ZFAT: variants seen among roughly 807,000 people sequenced by gnomAD.
ZFAT encodes zinc finger protein ZFAT.
Under a neutral mutation model 117.7 loss-of-function variants are expected in ZFAT, and 64 were observed. That is an observed-to-expected ratio of 0.54 (90% CI 0.44 to 0.67). The LOEUF (loss-of-function observed/expected upper bound fraction) is 0.67, where lower values mean the gene tolerates loss of function less well. Among genes scored for constraint, ZFAT ranks in the 30% least tolerant of loss-of-function variants. ZFAT has a pLI of 0.00. For synonymous variants in ZFAT, 679 were observed against 615.0 expected, an observed-to-expected ratio of 1.10 and a Z score of -1.54; for missense variants, 1,433 against 1,584.5, an observed-to-expected ratio of 0.90 and a Z score of 1.62.
chr8:134,743,246 CG>C, the ZFAT span, among the ~76,000 whole-genome samples: 2 of 152,124 alleles, frequency 1.3e-5, no homozygotes, highest in African/African-American at 4.8e-5. Flanking sequence ...CTCAACACTT[CG>C]GGAGGCAGAG....
intron 9 of ZFAT, among the ~76,000 whole-genome samples, chr8:134,587,186 A>T (rs1457095936): frequency 6.6e-6 from 1 of 152,120 alleles, no homozygotes; most frequent in African/African-American, 2.4e-5. Flanking sequence ...TGAACATTTG[A>T]CACAAAGCAC....
chr8:134,731,984 GATCATAC>G, the ZFAT span, among the ~76,000 whole-genome samples: 1 of 152,156 alleles, frequency 6.6e-6, no homozygotes, highest in Admixed American at 6.5e-5. Flanking sequence ...ACTTAGCCAG[GATCATAC>G]ATCTTATCTG....
At chr8:134,606,046 A>C (rs973704768) in intron 5 of ZFAT, among the ~76,000 whole-genome samples, 3 of 152,230 alleles carry the variant, frequency 2.0e-5, no homozygotes, top group African/African-American at 4.8e-5. Flanking sequence ...AGGACAGATA[A>C]GCATTAACTA....
At chr8:134,759,071 A>G in the ZFAT span, among the ~76,000 whole-genome samples, 4 of 152,238 alleles carry the variant, frequency 2.6e-5, no homozygotes, top group Non-Finnish European at 5.9e-5. Context: ...AAAACTCATG[A>G]AAGTCTTTCT....
chr8:134,831,819 CG>C, the ZFAT span, among the ~76,000 whole-genome samples: 1 of 151,902 alleles, frequency 6.6e-6, no homozygotes, highest in East Asian at 2.0e-4. Context: ...CCCTGAGGGA[CG>C]GGGGCGCCAA....
chr8:134,559,821 T>C (rs374857217), intron 11 of ZFAT, among the ~76,000 whole-genome samples: 1 of 152,248 alleles, frequency 6.6e-6, no homozygotes, highest in African/African-American at 2.4e-5. Flanking sequence ...TTCCCTTCTC[T>C]GTGATCTGTT....
intron 1 of ZFAT, among the ~76,000 whole-genome samples, chr8:134,700,752 T>G (rs1586970870): frequency 6.6e-6 from 1 of 152,212 alleles, no homozygotes; most frequent in East Asian, 1.9e-4. Flanking sequence ...AACATCATCC[T>G]GTGGCTTTCC....
chr8:134,727,677 G>C, the ZFAT span, among the ~76,000 whole-genome samples: 223 of 152,234 alleles, frequency 1.5e-3, 1 homozygote, highest in African/African-American at 5.0e-3. Flanking sequence ...ATCCATCTAT[G>C]TTAGGGGCGG....
chr8:134,810,117 T>C, the ZFAT span, among the ~76,000 whole-genome samples: 2 of 152,190 alleles, frequency 1.3e-5, no homozygotes, highest in Admixed American at 6.5e-5. Flanking sequence ...CACTATAGAT[T>C]CTATAGTGCG....
chr8:134,534,658 G>C (rs1437811223), intron 11 of ZFAT, among the ~76,000 whole-genome samples: 1 of 146,006 alleles, frequency 6.8e-6, no homozygotes, highest in Non-Finnish European at 1.5e-5. Flanking sequence ...AGGGAGAAAG[G>C]GAGACAAGAA....
chr8:134,511,520 T>C (rs1032938972), intron 14 of ZFAT, among the ~76,000 whole-genome samples: 1 of 152,220 alleles, frequency 6.6e-6, no homozygotes, highest in African/African-American at 2.4e-5. Flanking sequence ...AGGAGTTTTC[T>C]GTGCAGCTTT....
chr8:134,827,821 T>C, the ZFAT span, among the ~76,000 whole-genome samples: 1 of 150,726 alleles, frequency 6.6e-6, no homozygotes, highest in Non-Finnish European at 1.5e-5. Context: ...CCAGTTTACA[T>C]AAAGTATGGT....
At chr8:134,495,671 TG>T (rs1818383553) in intron 15 of ZFAT, among the ~76,000 whole-genome samples, 1 of 152,232 alleles carries the variant, frequency 6.6e-6, no homozygotes, top group Admixed American at 6.5e-5. Flanking sequence ...GGCTCACGCC[TG>T]TAATCCCAAC....
intron 1 of ZFAT, among the ~76,000 whole-genome samples, chr8:134,676,832 G>T (rs911363729): frequency 1.3e-5 from 2 of 152,158 alleles, no homozygotes; most frequent in Non-Finnish European, 2.9e-5. Flanking sequence ...TGAACAACCT[G>T]CTCCTGAATG....
chr8:134,662,273 C>T (rs532894989), intron 1 of ZFAT, among the ~76,000 whole-genome samples: 4 of 152,260 alleles, frequency 2.6e-5, no homozygotes, highest in African/African-American at 9.6e-5. Flanking sequence ...ACCTGCTAGG[C>T]CATCACATTA....
chr8:134,658,023 G>C (rs1305913691), intron 1 of ZFAT, among the ~76,000 whole-genome samples: 1 of 152,156 alleles, frequency 6.6e-6, no homozygotes, highest in Non-Finnish European at 1.5e-5. Flanking sequence ...CCAGATTCTG[G>C]GATAAGTACA....
chr8:134,663,999 G>A (rs1002491778), intron 1 of ZFAT, among the ~76,000 whole-genome samples: 8 of 152,174 alleles, frequency 5.3e-5, no homozygotes, highest in African/African-American at 1.7e-4. Context: ...GAGGAAAGGG[G>A]AAAGCCTTGG....
intron 1 of ZFAT, among the ~76,000 whole-genome samples, chr8:134,680,185 C>T (rs536818917): frequency 9.6e-4 from 145 of 150,916 alleles, no homozygotes; most frequent in African/African-American, 3.4e-3. Flanking sequence ...TCGCTTGAAC[C>T]CTGGAGGCAG....
intron 15 of ZFAT, among the ~76,000 whole-genome samples, chr8:134,507,860 C>T (rs1223076661): frequency 1.2e-4 from 18 of 152,180 alleles, no homozygotes; most frequent in Admixed American, 1.2e-3. Flanking sequence ...CTGATACCAT[C>T]CCAGAGAGAC....
Sources: gnomAD v4.1 joint callset for allele counts (sites outside exome capture counted in the v4.1 genomes callset) on GRCh38, gnomAD v4.1.1 for gene constraint, MANE v1.5 for transcripts, NCBI Gene and HGNC (gene_info 2026-07-23, HGNC 2026-07-21) for gene names.